Variants in MYO5B observed in about 807,000 individuals in gnomAD.
MYO5B encodes the protein unconventional myosin-Vb.
A neutral mutation model predicts 229.3 loss-of-function variants in MYO5B; 143 were observed. That is an observed-to-expected ratio of 0.62 (90% CI 0.54 to 0.72). MYO5B has a LOEUF of 0.72. Among genes scored for constraint, MYO5B ranks in the 30% least tolerant of loss-of-function variants. The pLI, the probability that MYO5B is intolerant of heterozygous loss-of-function variation, is 0.00. For missense variants in MYO5B, 2,321 were observed against 2,331.0 expected (o/e 1.00, Z 0.09); for synonymous variants, 918 against 885.2 (o/e 1.04, Z -0.66).
At chr18:49,837,117 CA>C (rs1197447863) in intron 37 of MYO5B, among the ~76,000 whole-genome samples, 9 of 152,178 alleles carry the variant, frequency 5.9e-5, no homozygotes, top group Non-Finnish European at 1.0e-4. Flanking sequence ...GAAGTGTCTA[CA>C]TAAGTTAACA....
intron 14 of MYO5B, among the ~76,000 whole-genome samples, chr18:49,946,843 C>T (rs1790789): frequency 0.23 from 35,275 of 151,988 alleles, 5,830 homozygotes; most frequent in African/African-American, 0.47. Context: ...CAGTATGCTT[C>T]GTATTCTATT....
intron 26 of MYO5B, among the ~76,000 whole-genome samples, chr18:49,874,489 G>A (rs2024493298): frequency 6.6e-6 from 1 of 152,144 alleles, no homozygotes; most frequent in Non-Finnish European, 1.5e-5. Context: ...TTTCCATTCT[G>A]AATCAAGTCC....
chr18:50,055,293 A>G lies in MYO5B; in HGVS notation c.113T>C (p.Leu38Pro). The G allele has an allele frequency of 6.8e-7, 1 of 1,461,528 alleles. No homozygotes were observed. Among genetic ancestry groups the G allele is most frequent in the Non-Finnish European group, 9.1e-7 (1 of 1,096,678 alleles). The allele number at this position is 1,461,528 out of a possible 1,614,324, so 90.5% of individuals were successfully genotyped here. Reference protein sequence around the residue: ...TKDYKEGDKSLQLRLEDETIL... With the variant: ...TKDYKEGDKSPQLRLEDETIL... ...CGTTTCATCCTCCAGTCTGAGCTGT[A>G]GGCTCTTGTCTCCTTCTTTGTAGTC... The change falls in exon 2 of 40, where the codon CTA becomes CCA. Residue 38 changes from leucine (L) to proline (P), a missense_variant. Leu to Pro is a moderately conservative substitution (Grantham distance 98). Coordinates refer to ENST00000285039, the MANE Select transcript of MYO5B (RefSeq NM_001080467.3).
chr18:50,189,643 C>A (rs1180950920), intron 1 of MYO5B, among the ~76,000 whole-genome samples: 1 of 152,184 alleles, frequency 6.6e-6, no homozygotes, highest in African/African-American at 2.4e-5. Flanking sequence ...ACAGCATCTG[C>A]TGACACTTTT....
intron 1 of MYO5B, among the ~76,000 whole-genome samples, chr18:50,128,726 A>G (rs1487112289): frequency 6.6e-6 from 1 of 152,192 alleles, no homozygotes; most frequent in African/African-American, 2.4e-5. Flanking sequence ...GATCCTTTAC[A>G]CATCCCCAGT....
intron 1 of MYO5B, among the ~76,000 whole-genome samples, chr18:50,088,572 A>G (rs1231169582): frequency 6.6e-6 from 1 of 152,222 alleles, no homozygotes; most frequent in Non-Finnish European, 1.5e-5. Flanking sequence ...CTATATTTTG[A>G]CATATCCTTT....
chr18:50,082,629 G>C (rs1052488651), intron 1 of MYO5B, among the ~76,000 whole-genome samples: 14 of 152,156 alleles, frequency 9.2e-5, no homozygotes, highest in African/African-American at 2.7e-4. Flanking sequence ...ACTAACTGTA[G>C]GATTGGGACC....
intron 36 of MYO5B, among the ~76,000 whole-genome samples, chr18:49,838,180 G>T (rs487176): frequency 0.074 from 11,319 of 152,234 alleles, 1,371 homozygotes; most frequent in African/African-American, 0.25. Context: ...TTACTAAGCA[G>T]CCATTACCTA....
At chr18:50,001,135 G>T in intron 5 of MYO5B, 120 bp downstream of exon 5, 1 of 1,312,800 alleles carries the variant, frequency 7.6e-7, no homozygotes, top group African/African-American at 1.5e-5. Flanking sequence ...TTCCTCCACA[G>T]TGGACAGAGG....
intron 39 of MYO5B, among the ~76,000 whole-genome samples, chr18:49,828,704 A>T (rs187724635): frequency 7.9e-4 from 121 of 152,314 alleles, no homozygotes; most frequent in African/African-American, 2.9e-3. Context: ...CATATGAAAT[A>T]TTTTTTCTGA....
In MYO5B at chr18:49,875,567, T is replaced by G. The variant is rs2024509854; in HGVS notation, c.3537+120A>C. On this transcript the variant is annotated intron_variant, in intron 26 of 39. Coordinates refer to ENST00000285039, the MANE Select transcript of MYO5B (RefSeq NM_001080467.3). Reference sequence around the variant, plus strand: ...ACTCCAATGCACTAAGTAGGAGCCCTCTGAGACTTAGCAGGAGCACAATCC... The same window carrying G: ...ACTCCAATGCACTAAGTAGGAGCCCGCTGAGACTTAGCAGGAGCACAATCC... 4 of 1,397,908 alleles carry G rather than the reference T, an allele frequency of 2.9e-6. No individual in the cohort carries two copies. The Admixed American group carries it at 5.0e-5, about 18-fold the overall frequency. 86.6% of individuals were successfully genotyped at this position (1,397,908 alleles called of 1,614,324 possible).
intron 1 of MYO5B, among the ~76,000 whole-genome samples, chr18:50,108,587 C>G (rs902957112): frequency 2.0e-5 from 3 of 152,168 alleles, no homozygotes; most frequent in Non-Finnish European, 4.4e-5. Flanking sequence ...GCAGCCTAGA[C>G]CGGCTACATG....
chr18:49,994,610 C>T (rs2025967526), intron 5 of MYO5B, among the ~76,000 whole-genome samples: 4 of 152,206 alleles, frequency 2.6e-5, no homozygotes, highest in Admixed American at 1.3e-4. Context: ...GGCTAGAGCC[C>T]GGCCAGCCTG....
At chr18:49,879,232 C>A in intron 23 of MYO5B, 142 bp from the exon 24 acceptor site, 1 of 953,722 alleles carries the variant, frequency 1.0e-6, no homozygotes, top group South Asian at 1.4e-5. Context: ...TTACGCTCCT[C>A]ACCTACTGCA....
Position 49,929,502 on chromosome 18 carries a change from C to T in MYO5B, c.2090+10G>A, listed in dbSNP as rs375779828. On this transcript the variant is annotated intron_variant, in intron 17 of 39. Coordinates refer to ENST00000285039, the MANE Select transcript of MYO5B (RefSeq NM_001080467.3). ...AGCCCCAGGAGGCAGCTGGCGGGCACGTTAGTTACCTGGATGGGTAGCCAG... is the reference window on the plus strand; with the variant it reads ...AGCCCCAGGAGGCAGCTGGCGGGCATGTTAGTTACCTGGATGGGTAGCCAG... 105 of 1,600,820 alleles carry T rather than the reference C, an allele frequency of 6.6e-5. No individual in the cohort carries two copies. The South Asian group carries it at 7.9e-4, about 12-fold the overall frequency.
intron 27 of MYO5B, among the ~76,000 whole-genome samples, chr18:49,869,585 C>T (rs1304340308): frequency 6.6e-6 from 1 of 152,208 alleles, no homozygotes; most frequent in Non-Finnish European, 1.5e-5. Flanking sequence ...AGGCCCCATG[C>T]TTGGCAGTGG....
chr18:50,107,289 G>GT (rs1206164143), intron 1 of MYO5B, among the ~76,000 whole-genome samples: 1 of 151,740 alleles, frequency 6.6e-6, no homozygotes, highest in Non-Finnish European at 1.5e-5. Flanking sequence ...ACCATGCCTG[G>GT]TATTTTTAGT....
intron 7 of MYO5B, among the ~76,000 whole-genome samples, chr18:49,986,849 G>A (rs574520987): frequency 6.6e-6 from 1 of 152,262 alleles, no homozygotes; most frequent in East Asian, 1.9e-4. Context: ...TTTAAGGGGT[G>A]CCCAGGGTCA....
chr18:50,118,725 C>A (rs940340418), intron 1 of MYO5B, among the ~76,000 whole-genome samples: 18 of 151,348 alleles, frequency 1.2e-4, no homozygotes, highest in African/African-American at 4.1e-4. Context: ...CCAGGGTTCA[C>A]GCCATTCTCC....
Sources: allele counts gnomAD v4.1 joint callset (sites outside exome capture counted in the v4.1 genomes callset), GRCh38; gene constraint gnomAD v4.1.1; transcripts MANE v1.5; gene names NCBI Gene and HGNC (gene_info 2026-07-23, HGNC 2026-07-21).